The following TFAP2B variants were observed in gnomAD, a reference collection of about 807,000 sequenced individuals.
TFAP2B encodes transcription factor AP-2-beta.
In TFAP2B, 9 loss-of-function variants were observed where a neutral mutation model predicts 44.3. The observed-to-expected ratio is 0.20, with a 90% confidence interval of 0.12 to 0.35. The LOEUF (loss-of-function observed/expected upper bound fraction) is 0.35, where lower values mean the gene tolerates loss of function less well. TFAP2B is among the 10% of genes least tolerant of loss of function. The pLI is 1.00. For synonymous variants in TFAP2B, 270 were observed against 263.8 expected (o/e 1.02, Z -0.23); for missense variants, 509 against 600.0 (o/e 0.85, Z 1.59).
At chr6:50,834,266 A>G (rs1190043246) in intron 3 of TFAP2B, among the ~76,000 whole-genome samples, 1 of 152,204 alleles carries the variant, frequency 6.6e-6, no homozygotes. Flanking sequence ...CACTGATGAG[A>G]AAATGAGGGA....
At position 50,844,532 on chromosome 6, in the gene TFAP2B, A is replaced by C. The variant is rs1359721662; in HGVS notation, c.*1140A>C. On this transcript the variant is annotated 3_prime_UTR_variant, in exon 7 of 7. Transcript: ENST00000393655. Reference sequence around the variant, plus strand: ...ATTCTGCAGGTGCACTTCTTTAAAGAAGCTCAAAGGGAATAATTTAGAAAG... The same window carrying C: ...ATTCTGCAGGTGCACTTCTTTAAAGCAGCTCAAAGGGAATAATTTAGAAAG... 6.5e-6 allele frequency: 1 copy of C among 152,676 alleles called. No individual in the cohort carries two copies. Among genetic ancestry groups the C allele is most frequent in the Non-Finnish European group, 1.5e-5 (1 of 68,048 alleles). 9.5% of individuals were successfully genotyped at this position (152,676 alleles called of 1,614,324 possible). A position where few individuals can be genotyped will look rare whatever the true frequency, so the allele number is the denominator to read the frequency against.
intron 2 of TFAP2B, among the ~76,000 whole-genome samples, chr6:50,828,342 ATCTG>A (rs1364930227): frequency 1.3e-5 from 2 of 152,244 alleles, no homozygotes; most frequent in Admixed American, 1.3e-4. Context: ...ATAAAGGTTT[ATCTG>A]TCTAATATCT....
At position 50,836,289 on chromosome 6, in the gene TFAP2B, A is replaced by G. The variant is rs1454826562; in HGVS notation, c.821+9A>G. On this transcript the variant is annotated intron_variant, in intron 4 of 6. Coordinates refer to ENST00000393655, the MANE Select transcript of TFAP2B (RefSeq NM_003221.4). ...GGCGGAGTCCTCAGAAGGTAACCCC[A>G]CCACGAAAAACAAAAACAAAAACAA... The G allele has an allele frequency of 6.8e-6, 11 of 1,607,072 alleles. No homozygotes were observed. In the Admixed American group the frequency reaches 1.2e-4, roughly 17 times the overall value.
At position 50,823,509 on chromosome 6, in the gene TFAP2B, T is replaced by G. The variant is rs1770414176; in HGVS notation, c.184T>G (p.Ser62Ala). ...CGCCCCGCCGCTGTCCCACACCCCG[T>G]CGTCGGACTTCCAGCCGCCCTACTT... ...SSAPPLSHTP[S>A]SDFQPPYFPP... Residue 62 changes from serine (S) to alanine (A), a missense_variant, in exon 2 of 7, where the codon TCG (serine) becomes GCG (alanine). By Grantham distance (99) the Ser-to-Ala change is moderately conservative (BLOSUM62 1). This residue lies in a region of TFAP2B where 296 missense variants were observed against 308.2 expected (regional missense o/e 0.96). Coordinates refer to ENST00000393655, the MANE Select transcript of TFAP2B (RefSeq NM_003221.4). 2 of 1,613,260 alleles carry G rather than the reference T, an allele frequency of 1.2e-6. No individual in the cohort carries two copies. Among genetic ancestry groups the G allele is most frequent in the Non-Finnish European group, 1.7e-6 (2 of 1,179,806 alleles).
At position 50,823,447 on chromosome 6, in the gene TFAP2B, C is replaced by T; in HGVS notation, c.122C>T (p.Ser41Phe). ...DGVPSHSSRLSQLGSVSQGPY... is the reference protein window; with the variant it reads ...DGVPSHSSRLFQLGSVSQGPY... Reference sequence around the variant, plus strand: ...GTCCCGAGCCACAGCTCGCGGCTCTCCCAGCTGGGCTCGGTGTCCCAAGGA... The same window carrying T: ...GTCCCGAGCCACAGCTCGCGGCTCTTCCAGCTGGGCTCGGTGTCCCAAGGA... Residue 41 changes from serine (S) to phenylalanine (F), a missense_variant, in exon 2 of 7, where the codon TCC (serine) becomes TTC (phenylalanine). Ser to Phe is a radical substitution (Grantham distance 155). This residue lies in a region of TFAP2B where 296 missense variants were observed against 308.2 expected (regional missense o/e 0.96). Transcript: ENST00000393655. 1 of 1,608,700 alleles carries T rather than the reference C, an allele frequency of 6.2e-7. No individual in the cohort carries two copies. Among genetic ancestry groups the T allele is most frequent in the Non-Finnish European group, 8.5e-7 (1 of 1,177,780 alleles).
At chr6:50,818,629 C>T (rs1282223668), upstream of TFAP2B, 2 of 470,784 alleles carry the variant, frequency 4.2e-6, no homozygotes, top group Non-Finnish European at 7.7e-6. Context: ...GCTTATATAA[C>T]TATATGTGGG....
chr6:50,842,960 G>T (rs532777967), intron 6 of TFAP2B, 132 bp from the exon 7 acceptor site: 3 of 1,253,260 alleles, frequency 2.4e-6, no homozygotes, highest in Admixed American at 1.7e-5. Context: ...AAAGGAAACA[G>T]AGCGGAATCG....
intron 1 of TFAP2B, among the ~76,000 whole-genome samples, chr6:50,819,575 G>A (rs775672091): frequency 6.6e-6 from 1 of 152,168 alleles, no homozygotes; most frequent in Admixed American, 6.5e-5. Context: ...GGGTCACTGC[G>A]TCCGAACAGA....
chr6:50,824,613 T>C (rs772740352), intron 2 of TFAP2B, among the ~76,000 whole-genome samples: 13 of 152,158 alleles, frequency 8.5e-5, no homozygotes, highest in Non-Finnish European at 1.5e-4. Flanking sequence ...TCCACCTCCC[T>C]CTCCTGGCCT....
At chr6:50,839,517 TA>T (rs1762683723) in intron 5 of TFAP2B, among the ~76,000 whole-genome samples, 1 of 152,188 alleles carries the variant, frequency 6.6e-6, no homozygotes, top group African/African-American at 2.4e-5. Flanking sequence ...CAGTTTTCTG[TA>T]GCTGCTGTGT....
chr6:50,822,292 T>C, intron 1 of TFAP2B: 1 of 763,228 alleles, frequency 1.3e-6, no homozygotes, highest in East Asian at 6.5e-5. Flanking sequence ...CGCCTTTGGC[T>C]TGGTAATTTA....
Position 50,823,618 on chromosome 6 carries a change from T to A in TFAP2B, c.293T>A (p.Leu98Gln). Residue 98 changes from leucine (L) to glutamine (Q), a missense_variant, in exon 2 of 7, where the codon CTG becomes CAG. Around this residue, in one of 3 missense-constraint regions of TFAP2B, gnomAD observed 296 missense variants for 308.2 expected, o/e 0.96. Coordinates refer to ENST00000393655, the MANE Select transcript of TFAP2B (RefSeq NM_003221.4). ...HVNDPYSLNP[L>Q]HQPQQHPWGQ... ...AACGACCCCTACTCCCTGAACCCAC[T>A]GCACCAGCCCCAGCAACATCCCTGG... 1.9e-6 allele frequency: 3 copies of A among 1,613,682 alleles called. No individual in the cohort carries two copies. The highest frequency in any genetic ancestry group is 2.5e-6 in the Non-Finnish European group (3 of 1,179,932).
intron 4 of TFAP2B, among the ~76,000 whole-genome samples, chr6:50,837,356 A>G (rs965261001): frequency 1.3e-5 from 2 of 152,206 alleles, no homozygotes; most frequent in African/African-American, 2.4e-5. Context: ...CCCCCTGAAC[A>G]TTAAGCCTGT....
intron 2 of TFAP2B, among the ~76,000 whole-genome samples, chr6:50,827,882 C>A (rs1467421321): frequency 2.0e-5 from 3 of 152,180 alleles, no homozygotes; most frequent in African/African-American, 7.2e-5. Flanking sequence ...AGAAGATGAA[C>A]ATTCCTTGCG....
chr6:50,836,233 G>A lies in TFAP2B; in HGVS notation c.774G>A (p.Ser258=). 3 of 1,612,840 alleles carry A rather than the reference G, an allele frequency of 1.9e-6. No individual in the cohort carries two copies. Among genetic ancestry groups the A allele is most frequent in the Non-Finnish European group, 1.7e-6 (2 of 1,180,002 alleles). Residue 258 remains serine, a synonymous_variant, in exon 4 of 7, where the codon TCG becomes TCA. Coordinates refer to ENST00000393655, the MANE Select transcript of TFAP2B (RefSeq NM_003221.4). The stretch of plus-strand genomic sequence containing the variant: ...TGGGAGAAGTTCAGAGACGGCTGTC[G>A]CCCCCTGAATGCCTCAATGCATCTC... The part of the protein sequence containing the change: ...VTVGEVQRRL[S]PPECLNASLL...
chr6:50,831,982 A>G (rs1045546736), intron 3 of TFAP2B, among the ~76,000 whole-genome samples: 2 of 152,182 alleles, frequency 1.3e-5, no homozygotes, highest in Admixed American at 6.5e-5. Flanking sequence ...CCTTCCCCAC[A>G]TAAACACTTT....
intron 1 of TFAP2B, among the ~76,000 whole-genome samples, chr6:50,820,172 G>T (rs1352232394): frequency 6.6e-6 from 1 of 152,254 alleles, no homozygotes; most frequent in Non-Finnish European, 1.5e-5. Context: ...TGGCGGGCGC[G>T]GGCCGCTAGG....
At chr6:50,831,709 C>T (rs887789224) in intron 3 of TFAP2B, among the ~76,000 whole-genome samples, 3 of 151,994 alleles carry the variant, frequency 2.0e-5, no homozygotes, top group Non-Finnish European at 4.4e-5. Context: ...TCACTGCCAC[C>T]ATCATGTTGC....
chr6:50,830,544 G>A (rs1183492596), intron 3 of TFAP2B, among the ~76,000 whole-genome samples: 1 of 152,166 alleles, frequency 6.6e-6, no homozygotes, highest in African/African-American at 2.4e-5. Flanking sequence ...AAAATGTGCA[G>A]CTTAAAATAT....
Sources: allele counts gnomAD v4.1 joint callset (sites outside exome capture counted in the v4.1 genomes callset), GRCh38; gene constraint gnomAD v4.1.1; regional missense constraint gnomAD v4.1.1; transcripts MANE v1.5; gene names NCBI Gene and HGNC (gene_info 2026-07-23, HGNC 2026-07-21).